SRBD1: variants seen among roughly 807,000 people sequenced by gnomAD.
SRBD1 encodes the protein S1 RNA-binding domain-containing protein 1.
A neutral mutation model predicts 115.3 loss-of-function variants in SRBD1; 88 were observed. The observed-to-expected ratio is 0.76, with a 90% confidence interval of 0.64 to 0.91. The LOEUF is 0.91. Ranked by LOEUF, SRBD1 falls within the 40% of genes least tolerant of loss-of-function variation. The probability of loss-of-function intolerance (pLI) is 0.00; values close to 1 mark genes in which losing one functional copy is unlikely to be tolerated. For missense variants in SRBD1, 1,385 were observed against 1,177.4 expected (o/e 1.18, Z -2.58); for synonymous variants, 509 against 407.7 (o/e 1.25, Z -2.99).
At chr2:45,541,784 T>C (rs1295396455) in intron 14 of SRBD1, among the ~76,000 whole-genome samples, 1 of 152,188 alleles carries the variant, frequency 6.6e-6, no homozygotes, top group Non-Finnish European at 1.5e-5. Context: ...CCAAAGTGGG[T>C]GGCTCCTTCC....
intron 14 of SRBD1, among the ~76,000 whole-genome samples, chr2:45,529,588 T>C (rs2103978225): frequency 6.6e-6 from 1 of 152,038 alleles, no homozygotes; most frequent in African/African-American, 2.4e-5. Context: ...ATGGTAGAAA[T>C]TTTAATTATT....
At chr2:45,440,967 C>G (rs1275968856) in intron 16 of SRBD1, among the ~76,000 whole-genome samples, 1 of 152,146 alleles carries the variant, frequency 6.6e-6, no homozygotes, top group African/African-American at 2.4e-5. Context: ...GGCTTTTCTT[C>G]TCCACATGTA....
At chr2:45,496,002 C>T (rs1670447797) in intron 14 of SRBD1, among the ~76,000 whole-genome samples, 2 of 152,156 alleles carry the variant, frequency 1.3e-5, no homozygotes, top group Admixed American at 6.5e-5. Flanking sequence ...CTTTTGTACT[C>T]AAATTTGTAT....
rs374498671 is a variant in SRBD1 at position 45,541,423 on chromosome 2, G to C, written c.1874+5309C>G. Among the ~76,000 whole-genome samples, 125 of 152,332 alleles carry C rather than the reference G, an allele frequency of 8.2e-4. 1 individual carries two copies. Among genetic ancestry groups the C allele is most frequent in the African/African-American group, 2.9e-3 (121 of 41,572 alleles). On this transcript the variant is annotated intron_variant, in intron 14 of 20. Transcript: ENST00000263736. ...AGGAGGGCATGTTTCAGCCCTGTTTGTGTTACAGCTGTTTCAGATCCACCA... is the reference window on the plus strand; with the variant it reads ...AGGAGGGCATGTTTCAGCCCTGTTTCTGTTACAGCTGTTTCAGATCCACCA...
At chr2:45,444,266 G>C (rs1324932783) in intron 16 of SRBD1, among the ~76,000 whole-genome samples, 2 of 152,104 alleles carry the variant, frequency 1.3e-5, no homozygotes, top group Non-Finnish European at 2.9e-5. Context: ...AATTACCTGG[G>C]TGTGGTGGTG....
intron 14 of SRBD1, among the ~76,000 whole-genome samples, chr2:45,516,269 G>T (rs922701000): frequency 6.6e-6 from 1 of 152,088 alleles, no homozygotes; most frequent in African/African-American, 2.4e-5. Flanking sequence ...ATTACTTTTC[G>T]AAAATAAATA....
intron 14 of SRBD1, among the ~76,000 whole-genome samples, chr2:45,498,647 T>C (rs1484339229): frequency 2.6e-5 from 4 of 152,256 alleles, no homozygotes; most frequent in East Asian, 1.9e-4. Flanking sequence ...TCCTTCTATA[T>C]AACTTCTTCA....
intron 16 of SRBD1, among the ~76,000 whole-genome samples, chr2:45,457,677 A>C (rs866307663): frequency 1.3e-5 from 2 of 152,036 alleles, no homozygotes; most frequent in African/African-American, 4.8e-5. Context: ...CAAACACTTC[A>C]TGTTCTGGTA....
intron 6 of SRBD1, among the ~76,000 whole-genome samples, chr2:45,581,065 T>C (rs1018149887): frequency 2.0e-5 from 3 of 152,070 alleles, no homozygotes; most frequent in African/African-American, 7.2e-5. Flanking sequence ...GGAAATGATA[T>C]CACAAAAATC....
chr2:45,482,495 A>C (rs745607070), intron 15 of SRBD1, among the ~76,000 whole-genome samples: 5 of 152,056 alleles, frequency 3.3e-5, no homozygotes, highest in Non-Finnish European at 7.4e-5. Context: ...GAAAGGGTAC[A>C]TAATTGTAGT....
chr2:45,569,685 T>C (rs72882459), intron 9 of SRBD1, among the ~76,000 whole-genome samples: 3,100 of 152,154 alleles, frequency 0.02, 87 homozygotes, highest in African/African-American at 0.071. Context: ...CCTTCCTTTC[T>C]CAAAAAACTA....
intron 16 of SRBD1, among the ~76,000 whole-genome samples, chr2:45,421,310 A>T (rs1191666845): frequency 6.6e-6 from 1 of 151,980 alleles, no homozygotes; most frequent in Non-Finnish European, 1.5e-5. Context: ...GATCGACACC[A>T]TTCTGGCTAA....
chr2:45,523,029 G>C (rs1156282701), intron 14 of SRBD1, among the ~76,000 whole-genome samples: 1 of 151,850 alleles, frequency 6.6e-6, no homozygotes, highest in African/African-American at 2.4e-5. Context: ...AAAACTTCTG[G>C]TCCCAAGCAT....
At chr2:45,544,141 G>C (rs370171554) in intron 14 of SRBD1, among the ~76,000 whole-genome samples, 4 of 150,634 alleles carry the variant, frequency 2.7e-5, no homozygotes, top group African/African-American at 9.8e-5. Context: ...GTTGAGGCAG[G>C]AGAATGGCAT....
chr2:45,484,598 C>T (rs186703890), intron 15 of SRBD1, among the ~76,000 whole-genome samples: 1 of 152,260 alleles, frequency 6.6e-6, no homozygotes, highest in African/African-American at 2.4e-5. Context: ...GTGAAATTCC[C>T]ATAACATATA....
At chr2:45,421,854 C>T (rs376300458) in intron 16 of SRBD1, among the ~76,000 whole-genome samples, 21 of 152,044 alleles carry the variant, frequency 1.4e-4, no homozygotes, top group Admixed American at 3.3e-4. Flanking sequence ...CTAGCCAGGC[C>T]GCAGCTAAAA....
chr2:45,393,228 T>C (rs1475404200), intron 19 of SRBD1, 99 bp from the exon 20 acceptor site: 23 of 1,206,188 alleles, frequency 1.9e-5, no homozygotes, highest in Admixed American at 6.0e-5. Context: ...CTTAGACCCA[T>C]AGGTCAATCA....
chr2:45,545,283 TAAAA>T (rs56909656), intron 14 of SRBD1, among the ~76,000 whole-genome samples: 37 of 68,568 alleles, frequency 5.4e-4, no homozygotes, highest in Admixed American at 2.6e-3. Flanking sequence ...CTGTCTCAAT[TAAAA>T]AAAAAAAAAA....
chr2:45,491,947 G>A (rs1177995683), intron 14 of SRBD1, among the ~76,000 whole-genome samples: 3 of 148,548 alleles, frequency 2.0e-5, no homozygotes, highest in East Asian at 3.9e-4. Context: ...TCAGCCTCCC[G>A]AGTAGCTAGG....
Sources: allele counts gnomAD v4.1 joint callset (sites outside exome capture counted in the v4.1 genomes callset), GRCh38; gene constraint gnomAD v4.1.1; transcripts MANE v1.5; gene names NCBI Gene and HGNC (gene_info 2026-07-23, HGNC 2026-07-21).